The following FBXL18 variants were observed in gnomAD, a reference collection of about 807,000 sequenced individuals.
FBXL18 encodes F-box/LRR-repeat protein 18.
A neutral mutation model predicts 46.0 loss-of-function variants in FBXL18; 36 were observed. The ratio of observed to expected loss-of-function variants is 0.78; its 90% CI spans 0.60 to 1.03. The LOEUF (loss-of-function observed/expected upper bound fraction) is 1.03. Ranked by LOEUF, FBXL18 falls within the 50% of genes least tolerant of loss-of-function variation. FBXL18 has a pLI of 0.00. For missense variants in FBXL18, 977 were observed against 1,004.1 expected (o/e 0.97, Z 0.36); for synonymous variants, 557 against 465.3 (o/e 1.20, Z -2.54).
downstream of FBXL18, among the ~76,000 whole-genome samples, chr7:5,472,801 G>A (rs1360473901): frequency 6.6e-6 from 1 of 152,126 alleles, no homozygotes; most frequent in Non-Finnish European, 1.5e-5. Flanking sequence ...GCAAATACCT[G>A]CCCTGGAGAA....
rs928186750 is a variant in FBXL18 at position 5,499,683 on chromosome 7, A to G, written c.1781+805T>C. Among the ~76,000 whole-genome samples, 4 of 150,084 alleles carry G rather than the reference A, an allele frequency of 2.7e-5. No individual in the cohort carries two copies. In the East Asian group the frequency reaches 7.8e-4, roughly 29 times the overall value. ...GAGGCAGGGGTTGCAATGAACCAAG[A>G]TCGCGCCACTGCACTCCAGCCTGGG... On this transcript the variant is annotated intron_variant, in intron 3 of 4. Coordinates refer to ENST00000382368, the MANE Select transcript of FBXL18 (RefSeq NM_024963.6).
intron 4 of FBXL18, among the ~76,000 whole-genome samples, chr7:5,465,087 C>T (rs562611587): frequency 6.6e-6 from 1 of 152,126 alleles, no homozygotes; most frequent in African/African-American, 2.4e-5. Flanking sequence ...ATAAAATAAA[C>T]AACTTTCTTA....
At chr7:5,462,408 T>C (rs1783260400) in intron 4 of FBXL18, among the ~76,000 whole-genome samples, 1 of 152,190 alleles carries the variant, frequency 6.6e-6, no homozygotes, top group Non-Finnish European at 1.5e-5. Context: ...GATGAATTCA[T>C]CTCCTGTTGG....
intron 1 of FBXL18, among the ~76,000 whole-genome samples, chr7:5,509,479 G>C (rs1175247273): frequency 1.3e-5 from 2 of 152,022 alleles, no homozygotes; most frequent in Non-Finnish European, 2.9e-5. Context: ...TGGATCACGA[G>C]GTCAGGAGTT....
intron 1 of FBXL18, among the ~76,000 whole-genome samples, chr7:5,508,519 G>A (rs955731208): frequency 3.3e-5 from 5 of 151,394 alleles, no homozygotes; most frequent in African/African-American, 1.2e-4. Flanking sequence ...TGAGGTGGGA[G>A]GATCGCTTCA....
intron 3 of FBXL18, among the ~76,000 whole-genome samples, chr7:5,491,745 G>A (rs1463244813): frequency 6.6e-6 from 1 of 152,186 alleles, no homozygotes; most frequent in Non-Finnish European, 1.5e-5. Context: ...ATCTGTGTCC[G>A]CAGCCTGCCT....
intron 4 of FBXL18, among the ~76,000 whole-genome samples, chr7:5,469,058 G>A (rs925443290): frequency 6.6e-6 from 1 of 152,150 alleles, no homozygotes; most frequent in African/African-American, 2.4e-5. Context: ...AGTGGGGGTT[G>A]TGTGTGTGTC....
intron 1 of FBXL18, among the ~76,000 whole-genome samples, chr7:5,510,336 A>G (rs1321379853): frequency 6.7e-6 from 1 of 150,082 alleles, no homozygotes; most frequent in Non-Finnish European, 1.5e-5. Context: ...AGAAAAAAAA[A>G]CCCAAGTTGC....
intron 4 of FBXL18, among the ~76,000 whole-genome samples, chr7:5,463,887 T>C (rs933832168): frequency 5.3e-5 from 8 of 150,756 alleles, no homozygotes; most frequent in Admixed American, 6.6e-5. Flanking sequence ...ATTACAGGCG[T>C]GCGCCACCAC....
In FBXL18 at chr7:5,480,543, T is replaced by TAC. The variant is rs1783614524; in HGVS notation, c.*1231_*1232insGT. ...AGTGTGTTGAATATATATATATATATATATATTTTTTTTTTTTTTTTTTTT... is the reference window on the plus strand; with the variant it reads ...AGTGTGTTGAATATATATATATATATACATATATTTTTTTTTTTTTTTTTTTT... On this transcript the variant is annotated 3_prime_UTR_variant, in exon 5 of 5. Transcript: ENST00000382368. The TAC allele has an allele frequency of 2.6e-5, 1 of 38,590 alleles. No homozygotes were observed. The highest frequency in any genetic ancestry group is 1.0e-4 in the African/African-American group (1 of 9,798). The allele number at this position is 38,590 out of a possible 1,614,324, so 2.4% of individuals were successfully genotyped here.
intron 4 of FBXL18, among the ~76,000 whole-genome samples, chr7:5,460,814 C>T (rs1438789253): frequency 1.3e-5 from 2 of 152,158 alleles, no homozygotes; most frequent in African/African-American, 4.8e-5. Context: ...CCAAGCCCGG[C>T]CTCGCTATCT....
chr7:5,505,901 T>C (rs1860882), intron 1 of FBXL18, among the ~76,000 whole-genome samples: 38,561 of 152,098 alleles, frequency 0.25, 5,145 homozygotes, highest in Middle Eastern at 0.31. Flanking sequence ...GTTTCACTAT[T>C]GTTGTCCAGG....
At position 5,500,476 on chromosome 7, in the gene FBXL18, C is replaced by T. The variant is rs369241476; in HGVS notation, c.1781+12G>A. 6.3e-7 allele frequency: 1 copy of T among 1,580,268 alleles called. No homozygotes were observed. The highest frequency in any genetic ancestry group is 1.8e-5 in the Admixed American group (1 of 56,964). On this transcript the variant is annotated intron_variant, in intron 3 of 4. Coordinates refer to ENST00000382368, the MANE Select transcript of FBXL18 (RefSeq NM_024963.6). Reference sequence around the variant, plus strand: ...CCAGCAGAGGCCCGAGAGGTCCCCGCGGCCCCCTCACCTGAGGTCCCTCAG... The same window carrying T: ...CCAGCAGAGGCCCGAGAGGTCCCCGTGGCCCCCTCACCTGAGGTCCCTCAG...
intron 4 of FBXL18, among the ~76,000 whole-genome samples, chr7:5,457,731 G>A (rs1327408519): frequency 1.3e-5 from 2 of 152,246 alleles, no homozygotes; most frequent in African/African-American, 4.8e-5. Flanking sequence ...GCCCCCATCA[G>A]CCAGGAGTGG....
chr7:5,463,694 C>CTATATATA lies in FBXL18; in HGVS notation c.2001-15859_2001-15852dup, dbSNP rs1439946097. Among the ~76,000 whole-genome samples, 19 of 61,498 alleles carry CTATATATA rather than the reference C, an allele frequency of 3.1e-4. 1 individual carries two copies. Among genetic ancestry groups the CTATATATA allele is most frequent in the Admixed American group, 5.4e-4 (3 of 5,558 alleles). The allele number at this position is 61,498 out of a possible 152,430, so 40.3% of individuals were successfully genotyped here. On this transcript the variant is annotated intron_variant and NMD_transcript_variant, in intron 4 of 6. Transcript: ENST00000415009. Reference sequence around the variant, plus strand: ...CATAAATGTGCTTCATGCCCCTGAACTATATATATATTTATTTATTTATTT... The same window carrying CTATATATA: ...CATAAATGTGCTTCATGCCCCTGAACTATATATATATATATATATTTATTTATTTATTT...
Position 5,483,744 on chromosome 7 carries a change from C to CA in FBXL18, c.2001-1814dup, listed in dbSNP as rs1309682886. On this transcript the variant is annotated intron_variant, in intron 4 of 4. Transcript: ENST00000382368. ...GGGCAACAAGAGCAAAACTCCGTCT[C>CA]AAAAAAAAGACAAAAAAAAAATCCA... Among the ~76,000 whole-genome samples, 5 of 126,106 alleles carry CA rather than the reference C, an allele frequency of 4.0e-5. No individual in the cohort carries two copies. The East Asian group carries it at 6.1e-4, about 15-fold the overall frequency. 82.7% of individuals were successfully genotyped at this position (126,106 alleles called of 152,430 possible). A position where few individuals can be genotyped will look rare whatever the true frequency, so the allele number is the denominator to read the frequency against.
Position 5,463,728 on chromosome 7 carries a change from A to ATTTTTTTTTTTTTTTTT in FBXL18, c.2001-15902_2001-15886dup, listed in dbSNP as rs552002078. Among the ~76,000 whole-genome samples, 19 of 53,010 alleles carry ATTTTTTTTTTTTTTTTT rather than the reference A, an allele frequency of 3.6e-4. 1 individual carries two copies. Among genetic ancestry groups the ATTTTTTTTTTTTTTTTT allele is most frequent in the African/African-American group, 5.6e-4 (7 of 12,564 alleles). 34.8% of individuals were successfully genotyped at this position (53,010 alleles called of 152,430 possible). ...TATTTATTTATTTATTTATTTATTT[A>ATTTTTTTTTTTTTTTTT]TTTTTTTTTTTTTTTTTTTTTTTTT... On this transcript the variant is annotated intron_variant and NMD_transcript_variant, in intron 4 of 6. Transcript: ENST00000415009.
At chr7:5,492,695 G>T (rs1783962152) in intron 3 of FBXL18, among the ~76,000 whole-genome samples, 1 of 152,080 alleles carries the variant, frequency 6.6e-6, no homozygotes, top group African/African-American at 2.4e-5. Flanking sequence ...TCCTTATAAG[G>T]CCAGGTGAAG....
Position 5,455,286 on chromosome 7 carries a change from G to A in FBXL18, c.2001-7443C>T, listed in dbSNP as rs967008803. Among the ~76,000 whole-genome samples the A allele has an allele frequency of 7.2e-5, 11 of 152,232 alleles. No individual in the cohort carries two copies. In the East Asian group the frequency reaches 2.1e-3, roughly 29 times the overall value. ...GGGAGCAGTATCGGGAGCACCTGCA[G>A]GGAGTATTCTCGGGCATATGCTTGG... On this transcript the variant is annotated intron_variant and NMD_transcript_variant, in intron 4 of 6. Transcript: ENST00000415009. The surrounding 1 kb of genome is among the most constrained non-coding windows in gnomAD (Gnocchi z 4.6).
Sources: gnomAD v4.1 joint callset for allele counts (sites outside exome capture counted in the v4.1 genomes callset) on GRCh38, gnomAD v4.1.1 for gene constraint, Gnocchi (gnomAD v3.1) non-coding constraint, MANE v1.5 for transcripts, NCBI Gene and HGNC (gene_info 2026-07-23, HGNC 2026-07-21) for gene names.